CAPSL: variants seen among roughly 807,000 people sequenced by gnomAD.
CAPSL encodes calcyphosine like, also known as calcyphosin-like protein.
In CAPSL, 17 loss-of-function variants were observed where a neutral mutation model predicts 21.3. The ratio of observed to expected loss-of-function variants is 0.80; its 90% CI spans 0.55 to 1.20. The LOEUF (loss-of-function observed/expected upper bound fraction) is 1.20, where lower values mean the gene tolerates loss of function less well. Among genes scored for constraint, CAPSL ranks in the 50% most tolerant of loss-of-function variants. CAPSL has a pLI of 0.00. For synonymous variants in CAPSL, 102 were observed against 89.3 expected, an observed-to-expected ratio of 1.14 and a Z score of -0.80; for missense variants, 289 against 259.3, an observed-to-expected ratio of 1.11 and a Z score of -0.79.
chr5:35,904,571 T>C lies in CAPSL; in HGVS notation c.601A>G (p.Met201Val), dbSNP rs1345826. ...TAAAGCTTCCAGGCGGTTCTCATCATGATGATGAAGTACACATCAGTGTCA... is the reference window on the plus strand; with the variant it reads ...TAAAGCTTCCAGGCGGTTCTCATCACGATGATGAAGTACACATCAGTGTCA... Reference protein sequence around the residue: ...SIDTDVYFIIMMRTAWKL With the variant: ...SIDTDVYFIIVMRTAWKL Residue 201 changes from methionine to valine, a missense_variant, in exon 5 of 5, where the codon ATG (methionine) becomes GTG (valine). Met to Val is a conservative substitution (Grantham distance 21, BLOSUM62 1). Transcript: ENST00000651391. 2.6e-3 allele frequency: 4,265 copies of C among 1,613,924 alleles called. 113 individuals are homozygous for C. In the African/African-American group the frequency reaches 0.05, roughly 19 times the overall value.
At chr5:35,930,969 G>A (rs925059748) in intron 1 of CAPSL, among the ~76,000 whole-genome samples, 5 of 152,106 alleles carry the variant, frequency 3.3e-5, no homozygotes, top group Non-Finnish European at 1.5e-5. Flanking sequence ...CAGCCTCTAT[G>A]CAATCATGAG....
intron 2 of CAPSL, among the ~76,000 whole-genome samples, chr5:35,916,398 C>A (rs1399783120): frequency 6.6e-6 from 1 of 152,232 alleles, no homozygotes; most frequent in African/African-American, 2.4e-5. Flanking sequence ...AAAGAGCCCA[C>A]ATTGCCAAGA....
At chr5:35,917,602 A>C (rs1302181734) in intron 2 of CAPSL, among the ~76,000 whole-genome samples, 2 of 152,178 alleles carry the variant, frequency 1.3e-5, no homozygotes, top group Admixed American at 1.3e-4. Context: ...CATTCTCAGC[A>C]AACTATTGCA....
chr5:35,910,593 G>A (rs1738195377), intron 2 of CAPSL, 50 bp from the exon 3 acceptor site: 2 of 1,346,606 alleles, frequency 1.5e-6, no homozygotes, highest in Admixed American at 2.3e-5. Context: ...AATAACAGGT[G>A]TAAGTGTAAA....
chr5:35,910,311 C>A, intron 3 of CAPSL, 55 bp downstream of exon 3: 2 of 1,571,624 alleles, frequency 1.3e-6, no homozygotes, highest in Non-Finnish European at 1.7e-6. Context: ...GGTAGCCAAC[C>A]CAAACCACGT....
At chr5:35,935,658 A>T (rs1281681465) in intron 1 of CAPSL, among the ~76,000 whole-genome samples, 1 of 152,042 alleles carries the variant, frequency 6.6e-6, no homozygotes, top group Admixed American at 6.5e-5. Flanking sequence ...TTCAAGATTG[A>T]CTTTATCTGC....
intron 1 of CAPSL, among the ~76,000 whole-genome samples, chr5:35,929,905 C>T (rs1738778987): frequency 6.6e-6 from 1 of 152,072 alleles, no homozygotes; most frequent in Non-Finnish European, 1.5e-5. Flanking sequence ...TTTTACTTAG[C>T]CTCTTCCTCT....
In CAPSL at chr5:35,919,192, A is replaced by ATATATATATAT. The variant is rs1561439742; in HGVS notation, c.137+1791_137+1792insATATATATATA. ...AAAAATATATATATATATATATATA[A>ATATATATATAT]AAATTGTGAAATTAGTTTGGATCTC... On this transcript the variant is annotated intron_variant, in intron 2 of 4. Transcript: ENST00000651391. 6.6e-3 allele frequency among the ~76,000 whole-genome samples: 718 copies of ATATATATATAT among 107,990 alleles called. 23 individuals are homozygous for ATATATATATAT. The highest frequency in any genetic ancestry group is 0.022 in the African/African-American group (689 of 31,174). 70.8% of individuals were successfully genotyped at this position (107,990 alleles called of 152,430 possible).
Position 35,910,406 on chromosome 5 carries a change from T to C in CAPSL, c.275A>G (p.Asn92Ser). ...AAATTCATTGAAGTCTATTGTTCCA[T>C]TTCCATCTTTATCAAACCTCCGGAA... is the stretch of plus-strand genomic sequence containing the variant. ...ELFRRFDKDGNGTIDFNEFLL... is the reference protein window; with the variant it reads ...ELFRRFDKDGSGTIDFNEFLL... Residue 92 changes from asparagine (N) to serine (S), a missense_variant, in exon 3 of 5, where the codon AAT becomes AGT. Physicochemically the swap from Asn to Ser is conservative, Grantham distance 46. Coordinates refer to ENST00000651391, the MANE Select transcript of CAPSL (RefSeq NM_001042625.2). The C allele has an allele frequency of 6.2e-7, 1 of 1,614,040 alleles. No individual in the cohort carries two copies. The highest frequency in any genetic ancestry group is 8.5e-7 in the Non-Finnish European group (1 of 1,179,922).
At chr5:35,912,097 C>T (rs1254575288) in intron 2 of CAPSL, among the ~76,000 whole-genome samples, 3 of 152,198 alleles carry the variant, frequency 2.0e-5, no homozygotes, top group Non-Finnish European at 1.5e-5. Flanking sequence ...CGACACCCAC[C>T]GGGCCTCACT....
intron 2 of CAPSL, among the ~76,000 whole-genome samples, chr5:35,915,003 C>A (rs55740934): frequency 6.6e-6 from 1 of 152,052 alleles, no homozygotes; most frequent in African/African-American, 2.4e-5. Flanking sequence ...ATCAAATAGA[C>A]ACAATAAAAA....
At chr5:35,931,533 T>G (rs6414880) in intron 1 of CAPSL, among the ~76,000 whole-genome samples, 152,252 of 152,254 alleles carry the variant, frequency 1, 76,125 homozygotes, top group Non-Finnish European at 1. Flanking sequence ...CAGGGGGCAT[T>G]CACTCTCCTA....
chr5:35,930,400 A>C (rs1738790299), intron 1 of CAPSL, among the ~76,000 whole-genome samples: 1 of 152,374 alleles, frequency 6.6e-6, no homozygotes, highest in South Asian at 2.1e-4. Flanking sequence ...TATAAATATC[A>C]TTGTGATAAA....
intron 2 of CAPSL, among the ~76,000 whole-genome samples, chr5:35,917,785 G>A (rs1224990068): frequency 2.0e-5 from 3 of 152,114 alleles, no homozygotes; most frequent in Non-Finnish European, 4.4e-5. Flanking sequence ...GTTAATGGGT[G>A]CAGCACACCA....
At chr5:35,911,500 G>A (rs1323562513) in intron 2 of CAPSL, among the ~76,000 whole-genome samples, 1 of 152,038 alleles carries the variant, frequency 6.6e-6, no homozygotes, top group African/African-American at 2.4e-5. Context: ...CCAATAGGTG[G>A]GCATCCTACA....
intron 2 of CAPSL, among the ~76,000 whole-genome samples, chr5:35,913,285 C>T (rs1400500523): frequency 6.6e-6 from 1 of 152,184 alleles, no homozygotes; most frequent in African/African-American, 2.4e-5. Flanking sequence ...AAACACTCAG[C>T]AGGATATTTT....
intron 4 of CAPSL, among the ~76,000 whole-genome samples, chr5:35,906,170 T>G (rs1207992104): frequency 6.6e-6 from 1 of 152,226 alleles, no homozygotes; most frequent in Non-Finnish European, 1.5e-5. Flanking sequence ...CTAATTATTT[T>G]TTAATTAAAA....
chr5:35,920,187 C>T (rs1738499900), intron 2 of CAPSL, among the ~76,000 whole-genome samples: 3 of 152,130 alleles, frequency 2.0e-5, no homozygotes, highest in Admixed American at 2.0e-4. Context: ...CTTCTGGGTC[C>T]AAGGCTAGAT....
chr5:35,919,896 G>A (rs777564579), intron 2 of CAPSL, among the ~76,000 whole-genome samples: 17 of 152,142 alleles, frequency 1.1e-4, no homozygotes, highest in Non-Finnish European at 1.5e-4. Context: ...GTAGCAGGAG[G>A]GATTCCACTG....
Sources: gnomAD v4.1 joint callset for allele counts (sites outside exome capture counted in the v4.1 genomes callset) on GRCh38, gnomAD v4.1.1 for gene constraint, MANE v1.5 for transcripts, NCBI Gene and HGNC (gene_info 2026-07-23, HGNC 2026-07-21) for gene names.